Variants in LBR observed in about 807,000 individuals in gnomAD.
LBR encodes delta(14)-sterol reductase LBR.
A neutral mutation model predicts 74.3 loss-of-function variants in LBR; 28 were observed. The observed-to-expected ratio is 0.38, with a 90% CI of 0.28 to 0.52. The LOEUF is 0.52. Ranked by LOEUF, LBR falls within the 20% of genes least tolerant of loss-of-function variation. The probability of loss-of-function intolerance (pLI) is 0.89; values close to 1 mark genes in which losing one functional copy is unlikely to be tolerated. For missense variants in LBR, 717 were observed against 760.3 expected, an observed-to-expected ratio of 0.94 and a Z score of 0.67; for synonymous variants, 228 against 269.3, an observed-to-expected ratio of 0.85 and a Z score of 1.50.
chr1:225,411,711 G>A (rs981510836), intron 8 of LBR, among the ~76,000 whole-genome samples: 4 of 152,228 alleles, frequency 2.6e-5, no homozygotes, highest in Non-Finnish European at 5.9e-5. Context: ...CCCCCCCAAA[G>A]GACTTTACAC....
At chr1:225,415,893 C>CCA (rs2096116205) in intron 6 of LBR, among the ~76,000 whole-genome samples, 1 of 151,932 alleles carries the variant, frequency 6.6e-6, no homozygotes, top group Non-Finnish European at 1.5e-5. Context: ...TCATGTGATT[C>CCA]TTTTATCTGC....
intron 1 of LBR, among the ~76,000 whole-genome samples, chr1:225,424,327 A>G (rs2096135023): frequency 1.3e-5 from 2 of 152,236 alleles, no homozygotes; most frequent in South Asian, 4.1e-4. Flanking sequence ...ATAAGTTCAC[A>G]CTATGTAAAA....
chr1:225,415,026 A>G (rs1233568132), intron 7 of LBR, among the ~76,000 whole-genome samples: 1 of 152,242 alleles, frequency 6.6e-6, no homozygotes, highest in South Asian at 2.1e-4. Flanking sequence ...AGACAAGTGC[A>G]ATGATTTCTA....
chr1:225,423,782 A>T, intron 2 of LBR, 129 bp downstream of exon 2: 1 of 876,996 alleles, frequency 1.1e-6, no homozygotes, highest in Non-Finnish European at 1.9e-6. Flanking sequence ...ACAGTATGTG[A>T]CCCAAAGCAA....
intron 6 of LBR, 110 bp from the exon 7 acceptor site, chr1:225,415,442 A>G (rs575112567): frequency 1.5e-6 from 1 of 651,206 alleles, no homozygotes; most frequent in African/African-American, 1.8e-5. Flanking sequence ...AACACGCCCA[A>G]GAAGGAAGAT....
chr1:225,404,619 T>C lies in LBR; in HGVS notation c.1564+7A>G. ...TATATATAATATAAACATAAATCAA[T>C]ACTTACGTGCAAGCTTTGGATCACT... On this transcript the variant is annotated splice_region_variant and intron_variant, in intron 12 of 13. Coordinates refer to ENST00000272163, the MANE Select transcript of LBR (RefSeq NM_002296.4). 1 of 1,602,458 alleles carries C rather than the reference T, an allele frequency of 6.2e-7. No homozygotes were observed. Among genetic ancestry groups the C allele is most frequent in the South Asian group, 1.1e-5 (1 of 90,754 alleles).
chr1:225,421,586 T>C (rs2096127592), intron 3 of LBR, among the ~76,000 whole-genome samples: 1 of 152,262 alleles, frequency 6.6e-6, no homozygotes, highest in African/African-American at 2.4e-5. Flanking sequence ...TTGTCTTTGG[T>C]CTACTATCTA....
At position 225,423,922 on chromosome 1, in the gene LBR, T is replaced by C; in HGVS notation, c.154A>G (p.Asn52Asp). ...KDGTELELKENDIKPLTSFRQ... is the reference protein window; with the variant it reads ...KDGTELELKEDDIKPLTSFRQ... ...AAAGGAGCTCTTACCTTAATATCAT[T>C]CTCTTTCAATTCAAGCTCTGTTCCA... The change falls in exon 2 of 14, where the codon AAT becomes GAT. Residue 52 changes from asparagine (N) to aspartate (D), a missense_variant. Transcript: ENST00000272163. The C allele has an allele frequency of 6.2e-7, 1 of 1,613,536 alleles. No individual in the cohort carries two copies. Among genetic ancestry groups the C allele is most frequent in the Non-Finnish European group, 8.5e-7 (1 of 1,179,482 alleles).
chr1:225,415,551 A>G (rs918327394), intron 6 of LBR, among the ~76,000 whole-genome samples: 1 of 152,164 alleles, frequency 6.6e-6, no homozygotes, highest in Non-Finnish European at 1.5e-5. Context: ...TTAAATACAA[A>G]TTCAGTAATG....
At chr1:225,413,414 C>T (rs2096110349) in intron 7 of LBR, among the ~76,000 whole-genome samples, 1 of 152,208 alleles carries the variant, frequency 6.6e-6, no homozygotes, top group Non-Finnish European at 1.5e-5. Context: ...AATAGTTTTG[C>T]TTTCAAAGGA....
At chr1:225,424,120 C>A in intron 1 of LBR, 31 bp from the exon 2 acceptor site, 1 of 1,471,006 alleles carries the variant, frequency 6.8e-7, no homozygotes, top group South Asian at 1.1e-5. Context: ...AAATTTGAGT[C>A]AATACATACA....
At chr1:225,413,333 G>A (rs940341073) in intron 7 of LBR, among the ~76,000 whole-genome samples, 10 of 152,238 alleles carry the variant, frequency 6.6e-5, no homozygotes, top group Non-Finnish European at 1.2e-4. Flanking sequence ...CAGAACTCTC[G>A]TTCCGGGCTA....
chr1:225,424,120 C>G lies in LBR; in HGVS notation c.-14-31G>C, dbSNP rs2150960274. ...TAGTTTTAAAGAAAAAAATTTGAGTCAATACATACACATTTATGTATTCGT... is the reference window on the plus strand; with the variant it reads ...TAGTTTTAAAGAAAAAAATTTGAGTGAATACATACACATTTATGTATTCGT... On this transcript the variant is annotated intron_variant, in intron 1 of 13. Coordinates refer to ENST00000272163, the MANE Select transcript of LBR (RefSeq NM_002296.4). The G allele has an allele frequency of 5.4e-6, 8 of 1,471,010 alleles. No homozygotes were observed. In the South Asian group the frequency reaches 7.9e-5, roughly 15 times the overall value. 91.1% of individuals were successfully genotyped at this position (1,471,010 alleles called of 1,614,324 possible). A position where few individuals can be genotyped will look rare whatever the true frequency, so the allele number is the denominator to read the frequency against.
intron 1 of LBR, 94 bp downstream of exon 1, chr1:225,427,860 G>A (rs1445959403): frequency 6.6e-6 from 1 of 152,084 alleles, no homozygotes; most frequent in African/African-American, 2.4e-5. Flanking sequence ...TCCCCGGCCC[G>A]GCCGCTGCGC....
intron 10 of LBR, among the ~76,000 whole-genome samples, chr1:225,407,930 C>A (rs1186571464): frequency 6.6e-6 from 1 of 151,944 alleles, no homozygotes; most frequent in East Asian, 1.9e-4. Context: ...AATAATCGTA[C>A]ATATTTATGG....
chr1:225,410,195 C>T (rs1408359503), intron 10 of LBR, 96 bp downstream of exon 10: 1 of 1,578,562 alleles, frequency 6.3e-7, no homozygotes, highest in Admixed American at 1.7e-5. Flanking sequence ...AGGCCATGCT[C>T]CCCTCACTTT....
At position 225,403,462 on chromosome 1, in the gene LBR, A is replaced by C. The variant is rs1487542415; in HGVS notation, c.1689T>G (p.Gly563=). 6 of 1,602,622 alleles carry C rather than the reference A, an allele frequency of 3.7e-6. No homozygotes were observed. The highest frequency in any genetic ancestry group is 5.1e-6 in the Non-Finnish European group (6 of 1,170,020). ...AGAAATAAGGCAGAATGTGGTTAAAACCTGTGGATAATAATAGTACACAGT... is the reference window on the plus strand; with the variant it reads ...AGAAATAAGGCAGAATGTGGTTAAACCCTGTGGATAATAATAGTACACAGT... ...IMALAWSLPC[G]FNHILPYFYI... Residue 563 remains glycine (G), a splice_region_variant and synonymous_variant, in exon 14 of 14, where the codon GGT becomes GGG. Coordinates refer to ENST00000272163, the MANE Select transcript of LBR (RefSeq NM_002296.4).
intron 3 of LBR, among the ~76,000 whole-genome samples, chr1:225,421,276 G>C (rs910764216): frequency 1.3e-5 from 2 of 152,202 alleles, no homozygotes; most frequent in African/African-American, 4.8e-5. Context: ...GGTGGATCAC[G>C]AGGTCAGGAA....
rs1211735093 is a variant in LBR at position 225,415,285 on chromosome 1, T to C, written c.885A>G (p.Arg295=). The part of the protein sequence containing the change: ...PLIDGRRLKY[R]LNGFYAFILT... ...TTAAAAAAAGAAAATCACCATTTAA[T>C]CTATACTTGAGTCTTCTTCCATCAA... is the stretch of plus-strand genomic sequence containing the variant. The change falls in exon 7 of 14, where the codon AGA becomes AGG. Residue 295 remains arginine, a synonymous_variant. Coordinates refer to ENST00000272163, the MANE Select transcript of LBR (RefSeq NM_002296.4). 2 of 1,587,954 alleles carry C rather than the reference T, an allele frequency of 1.3e-6. No homozygotes were observed. The highest frequency in any genetic ancestry group is 8.6e-7 in the Non-Finnish European group (1 of 1,159,552).
Sources: gnomAD v4.1 joint callset for allele counts (sites outside exome capture counted in the v4.1 genomes callset) on GRCh38, gnomAD v4.1.1 for gene constraint, MANE v1.5 for transcripts, NCBI Gene and HGNC (gene_info 2026-07-23, HGNC 2026-07-21) for gene names.